The following RAB21 variants were observed in gnomAD, a reference collection of about 807,000 sequenced individuals.
The protein encoded by RAB21 is ras-related protein Rab-21.
A neutral mutation model predicts 33.1 loss-of-function variants in RAB21; 13 were observed. The observed-to-expected ratio is 0.39, with a 90% confidence interval of 0.26 to 0.62. The LOEUF (loss-of-function observed/expected upper bound fraction) is 0.62, where lower values mean the gene tolerates loss of function less well. Among genes scored for constraint, RAB21 ranks in the 20% least tolerant of loss-of-function variants. The pLI is 0.48. For synonymous variants in RAB21, 91 were observed against 103.7 expected (o/e 0.88, Z 0.74); for missense variants, 234 against 279.1 (o/e 0.84, Z 1.15).
rs1883516537 is a variant in RAB21 at position 71,799,979 on chromosome 12, A to G, written c.*14306A>G. 1 of 152,278 alleles carries G rather than the reference A, an allele frequency of 6.6e-6. No individual in the cohort carries two copies. Among genetic ancestry groups the G allele is most frequent in the Non-Finnish European group, 1.5e-5 (1 of 68,246 alleles). 9.4% of individuals were successfully genotyped at this position (152,278 alleles called of 1,614,324 possible). On this transcript the variant is annotated 3_prime_UTR_variant, in exon 7 of 7. Transcript: ENST00000261263. ...TCCTAACTACTTGGGAGGCTGAGGC[A>G]GGAGAATTGCTTGAACCCGGGAGGC...
Position 71,793,098 on chromosome 12 carries a change from G to A in RAB21, c.*7425G>A, listed in dbSNP as rs1883410940. 1 of 152,210 alleles carries A rather than the reference G, an allele frequency of 6.6e-6. No homozygotes were observed. Among genetic ancestry groups the A allele is most frequent in the South Asian group, 2.1e-4 (1 of 4,832 alleles). The allele number at this position is 152,210 out of a possible 1,614,324, so 9.4% of individuals were successfully genotyped here. A position where few individuals can be genotyped will look rare whatever the true frequency, so the allele number is the denominator to read the frequency against. On this transcript the variant is annotated 3_prime_UTR_variant, in exon 7 of 7. Coordinates refer to ENST00000261263, the MANE Select transcript of RAB21 (RefSeq NM_014999.4). Reference sequence around the variant, plus strand: ...AATTGCTTTTCCAAATTTTGTGGTAGCAGTGAATAAACTGATGCCTCCTGC... The same window carrying A: ...AATTGCTTTTCCAAATTTTGTGGTAACAGTGAATAAACTGATGCCTCCTGC...
intron 1 of RAB21, among the ~76,000 whole-genome samples, chr12:71,760,735 G>A (rs1367515316): frequency 6.6e-6 from 1 of 151,174 alleles, no homozygotes; most frequent in East Asian, 1.9e-4. Context: ...TTCCCTTATT[G>A]AAGGTGCTTA....
intron 1 of RAB21, among the ~76,000 whole-genome samples, chr12:71,760,375 A>AT (rs772956776): frequency 0.16 from 23,652 of 151,924 alleles, 2,282 homozygotes; most frequent in East Asian, 0.32. Flanking sequence ...CTTAACTTAT[A>AT]TAGAGTCCCC....
In RAB21 at chr12:71,770,686, A is replaced by G; in HGVS notation, c.314A>G (p.Asp105Gly). 6.3e-7 allele frequency: 1 copy of G among 1,583,954 alleles called. No homozygotes were observed. Among genetic ancestry groups the G allele is most frequent in the Non-Finnish European group, 8.7e-7 (1 of 1,155,168 alleles). The change falls in exon 3 of 7, where the codon GAT becomes GGT. Residue 105 changes from aspartate to glycine, a missense_variant. Transcript: ENST00000261263. Reference sequence around the variant, plus strand: ...TTAGTTTATGACATAACAGATGAAGATTCTTTTCAGAAGGTATTCTATTCA... The same window carrying G: ...TTAGTTTATGACATAACAGATGAAGGTTCTTTTCAGAAGGTATTCTATTCA... The part of the protein sequence containing the change: ...AILVYDITDE[D>G]SFQKVKNWVK...
rs1035746758 is a variant in RAB21, at chr12:71,793,820, G to C, written c.*8147G>C. The C allele has an allele frequency of 6.6e-6, 1 of 152,178 alleles. No homozygotes were observed. The highest frequency in any genetic ancestry group is 2.4e-5 in the African/African-American group (1 of 41,464). The allele number at this position is 152,178 out of a possible 1,614,324, so 9.4% of individuals were successfully genotyped here. A position where few individuals can be genotyped will look rare whatever the true frequency, so the allele number is the denominator to read the frequency against. ...AAGGAGATGGTAGATTTTGGGTTCT[G>C]GGTTCTAGGTTCTAGGCTAATAATT... is the stretch of plus-strand genomic sequence containing the variant. On this transcript the variant is annotated 3_prime_UTR_variant, in exon 7 of 7. Coordinates refer to ENST00000261263, the MANE Select transcript of RAB21 (RefSeq NM_014999.4).
intron 1 of RAB21, among the ~76,000 whole-genome samples, chr12:71,759,337 G>A (rs1882835915): frequency 6.6e-6 from 1 of 152,212 alleles, no homozygotes; most frequent in Admixed American, 6.5e-5. Context: ...AGGTAAGAAT[G>A]CCTTTAATGT....
At chr12:71,785,076 A>G (rs1445338707) in intron 6 of RAB21, among the ~76,000 whole-genome samples, 1 of 152,184 alleles carries the variant, frequency 6.6e-6, no homozygotes, top group Non-Finnish European at 1.5e-5. Context: ...CAGCCTGGGT[A>G]TCAAAGCGAG....
At chr12:71,785,075 T>C (rs2137659776) in intron 6 of RAB21, among the ~76,000 whole-genome samples, 1 of 152,244 alleles carries the variant, frequency 6.6e-6, no homozygotes, top group East Asian at 1.9e-4. Flanking sequence ...CCAGCCTGGG[T>C]ATCAAAGCGA....
intron 3 of RAB21, 30 bp downstream of exon 3, chr12:71,770,729 A>G: frequency 7.2e-7 from 1 of 1,388,706 alleles, no homozygotes; most frequent in South Asian, 1.2e-5. Flanking sequence ...ATGTCTTAGA[A>G]GAACAATAGT....
In RAB21 at chr12:71,755,268, A is replaced by G; in HGVS notation, c.139A>G (p.Lys47Glu). The G allele has an allele frequency of 6.5e-7, 1 of 1,538,878 alleles. No individual in the cohort carries two copies. Among genetic ancestry groups the G allele is most frequent in the Non-Finnish European group, 8.7e-7 (1 of 1,146,564 alleles). Residue 47 changes from lysine (K) to glutamate (E), a missense_variant, in exon 1 of 7, where the codon AAG (lysine) becomes GAG (glutamate). By Grantham distance (56) the Lys-to-Glu change is moderately conservative. Coordinates refer to ENST00000261263, the MANE Select transcript of RAB21 (RefSeq NM_014999.4). ...LRYCENKFND[K>E]HITTLQASFL... ...CTACTGCGAGAACAAGTTTAACGAC[A>G]AGCACATCACCACTCTGCAGGTGCG...
Position 71,793,952 on chromosome 12 carries a change from A to G in RAB21, c.*8279A>G, listed in dbSNP as rs1389334160. On this transcript the variant is annotated 3_prime_UTR_variant, in exon 7 of 7. Coordinates refer to ENST00000261263, the MANE Select transcript of RAB21 (RefSeq NM_014999.4). ...AAAAGCTGGCTGGGAGCCATGGCTC[A>G]TGCCTGTAATCCAGCACTTTGGGAG... 6.6e-6 allele frequency: 1 copy of G among 152,472 alleles called. No individual in the cohort carries two copies. The highest frequency in any genetic ancestry group is 1.5e-5 in the Non-Finnish European group (1 of 68,156). The allele number at this position is 152,472 out of a possible 1,614,324, so 9.4% of individuals were successfully genotyped here.
intron 6 of RAB21, among the ~76,000 whole-genome samples, chr12:71,785,004 A>G (rs1883262482): frequency 6.6e-6 from 1 of 151,958 alleles, no homozygotes; most frequent in African/African-American, 2.4e-5. Context: ...AGGCAGGAGG[A>G]TCAACTGAGC....
At chr12:71,772,140 A>G (rs967280381) in intron 3 of RAB21, among the ~76,000 whole-genome samples, 46 of 152,166 alleles carry the variant, frequency 3.0e-4, no homozygotes, top group Non-Finnish European at 4.8e-4. Flanking sequence ...CACTGGAGTC[A>G]CTCATAGAGC....
chr12:71,764,521 G>C (rs961372758), intron 1 of RAB21, among the ~76,000 whole-genome samples: 2 of 152,060 alleles, frequency 1.3e-5, no homozygotes, highest in African/African-American at 2.4e-5. Context: ...ACATGGATAA[G>C]TTCTTTAGTG....
intron 1 of RAB21, among the ~76,000 whole-genome samples, chr12:71,760,145 G>A (rs916962111): frequency 2.0e-5 from 3 of 152,170 alleles, no homozygotes; most frequent in African/African-American, 4.8e-5. Context: ...TGTCTCTGAG[G>A]GGTCATTATA....
At position 71,798,042 on chromosome 12, in the gene RAB21, A is replaced by G. The variant is rs1883487579; in HGVS notation, c.*12369A>G. 1 of 152,208 alleles carries G rather than the reference A, an allele frequency of 6.6e-6. No individual in the cohort carries two copies. The highest frequency in any genetic ancestry group is 2.4e-5 in the African/African-American group (1 of 41,454). The allele number at this position is 152,208 out of a possible 1,614,324, so 9.4% of individuals were successfully genotyped here. On this transcript the variant is annotated 3_prime_UTR_variant, in exon 7 of 7. Transcript: ENST00000261263. ...TGATATAAAATTTGGAATAGAATTT[A>G]CAATAAGAAATGATAATGTTTTCAC...
In RAB21 at chr12:71,791,688, C is replaced by T. The variant is rs1244202685; in HGVS notation, c.*6015C>T. 1 of 152,132 alleles carries T rather than the reference C, an allele frequency of 6.6e-6. No individual in the cohort carries two copies. Among genetic ancestry groups the T allele is most frequent in the African/African-American group, 2.4e-5 (1 of 41,416 alleles). 9.4% of individuals were successfully genotyped at this position (152,132 alleles called of 1,614,324 possible). A position where few individuals can be genotyped will look rare whatever the true frequency, so the allele number is the denominator to read the frequency against. Reference sequence around the variant, plus strand: ...TTAGATCTCCCTTCCCTCATCATCCCACATCCCTTTTTAGAGGTAACCATT... The same window carrying T: ...TTAGATCTCCCTTCCCTCATCATCCTACATCCCTTTTTAGAGGTAACCATT... On this transcript the variant is annotated 3_prime_UTR_variant, in exon 7 of 7. Transcript: ENST00000261263.
intron 1 of RAB21, among the ~76,000 whole-genome samples, chr12:71,762,691 T>G (rs1222642983): frequency 6.6e-6 from 1 of 152,060 alleles, no homozygotes; most frequent in African/African-American, 2.4e-5. Context: ...CAAGCAATTC[T>G]CCTGCCTCAG....
chr12:71,763,306 A>G (rs1320196611), intron 1 of RAB21, among the ~76,000 whole-genome samples: 2 of 152,202 alleles, frequency 1.3e-5, no homozygotes, highest in Admixed American at 6.5e-5. Flanking sequence ...TTGCTTTGAC[A>G]GAACGGTAGT....
Sources: gnomAD v4.1 joint callset for allele counts (sites outside exome capture counted in the v4.1 genomes callset) on GRCh38, gnomAD v4.1.1 for gene constraint, MANE v1.5 for transcripts, NCBI Gene and HGNC (gene_info 2026-07-23, HGNC 2026-07-21) for gene names.